PIP5K1C: variants seen among roughly 807,000 people sequenced by gnomAD.
The protein encoded by PIP5K1C is phosphatidylinositol-4-phosphate 5-kinase type 1 gamma, also known as phosphatidylinositol 4-phosphate 5-kinase type-1 gamma.
PIP5K1C carries 45 observed loss-of-function variants against 80.1 expected under a neutral mutation model. The observed-to-expected ratio is 0.56, with a 90% CI of 0.44 to 0.72. The LOEUF (loss-of-function observed/expected upper bound fraction) is 0.72, where lower values mean the gene tolerates loss of function less well. PIP5K1C is among the 30% of genes least tolerant of loss of function. The pLI, the probability that PIP5K1C is intolerant of heterozygous loss-of-function variation, is 0.00. For missense variants in PIP5K1C, 753 were observed against 954.6 expected, an observed-to-expected ratio of 0.79 and a Z score of 2.78; for synonymous variants, 498 against 420.1, an observed-to-expected ratio of 1.19 and a Z score of -2.27.
intron 1 of PIP5K1C, among the ~76,000 whole-genome samples, chr19:3,687,856 C>T (rs1336188265): frequency 1.3e-5 from 2 of 152,164 alleles, no homozygotes; most frequent in African/African-American, 4.8e-5. Context: ...GGAGCCAGGC[C>T]GGTAAACAGG....
chr19:3,630,897 G>A lies in PIP5K1C; in HGVS notation c.*2270C>T, dbSNP rs185865770. ...CCTCGCGGGGGATCTGAGGGAGACC[G>A]AGTTCGCTAAATATTATAAATAGGT... On this transcript the variant is annotated 3_prime_UTR_variant, in exon 18 of 18. Transcript: ENST00000335312. 4 of 152,274 alleles carry A rather than the reference G, an allele frequency of 2.6e-5. No homozygotes were observed. The highest frequency in any genetic ancestry group is 4.2e-4 in the South Asian group (2 of 4,816). 9.4% of individuals were successfully genotyped at this position (152,274 alleles called of 1,614,324 possible).
chr19:3,643,181 A>C, intron 13 of PIP5K1C, 62 bp downstream of exon 13: 2 of 1,602,016 alleles, frequency 1.2e-6, no homozygotes, highest in African/African-American at 1.3e-5. Flanking sequence ...ACATGCAGTG[A>C]ATGCCCCGCC....
chr19:3,641,956 G>A, intron 14 of PIP5K1C, 147 bp from the exon 15 acceptor site: 1 of 707,278 alleles, frequency 1.4e-6, no homozygotes, highest in South Asian at 1.5e-5. Flanking sequence ...GTCACTCCCA[G>A]CCCGGGGACT....
intron 15 of PIP5K1C, among the ~76,000 whole-genome samples, chr19:3,640,638 T>C (rs2145391508): frequency 6.6e-6 from 1 of 151,964 alleles, no homozygotes; most frequent in East Asian, 1.9e-4. Context: ...CAAAAATCAA[T>C]AAAATTAATC....
rs372646155 is a variant in PIP5K1C, at chr19:3,642,891, G to C, written c.1682+16C>G. On this transcript the variant is annotated intron_variant, in intron 14 of 17. Transcript: ENST00000335312. Reference sequence around the variant, plus strand: ...GAGCTGGTGAGACCCAGGGAAGGAAGGGGGTTGGGTCTCACCTGCCATCCT... The same window carrying C: ...GAGCTGGTGAGACCCAGGGAAGGAACGGGGTTGGGTCTCACCTGCCATCCT... 3,823 of 1,610,296 alleles carry C rather than the reference G, an allele frequency of 2.4e-3. 8 individuals carry two copies. The highest frequency in any genetic ancestry group is 4.9e-3 in the South Asian group (446 of 90,998).
At chr19:3,638,307 A>G (rs2033793139) in intron 16 of PIP5K1C, among the ~76,000 whole-genome samples, 1 of 152,134 alleles carries the variant, frequency 6.6e-6, no homozygotes, top group South Asian at 2.1e-4. Context: ...AGGGCCGGGC[A>G]GACCCTGCCC....
chr19:3,663,165 C>T (rs775412658), intron 3 of PIP5K1C, among the ~76,000 whole-genome samples: 12 of 152,000 alleles, frequency 7.9e-5, no homozygotes, highest in Admixed American at 6.5e-5. Context: ...CGCGCCCGGC[C>T]GGCTGCTGTT....
Position 3,664,861 on chromosome 19 carries a change from A to G in PIP5K1C, c.180T>C (p.His60=), listed in dbSNP as rs774929767. ...PGPGHGKKLG[H]RGVDASGETT... is the part of the protein sequence containing the mutation. Reference sequence around the variant, plus strand: ...TTTCGCCGGATGCGTCCACACCTCGATGGCCCAACTTCTTCCCATGGCCAG... The same window carrying G: ...TTTCGCCGGATGCGTCCACACCTCGGTGGCCCAACTTCTTCCCATGGCCAG... Residue 60 remains histidine (H), a synonymous_variant, in exon 3 of 18, where the codon CAT becomes CAC. Coordinates refer to ENST00000335312, the MANE Select transcript of PIP5K1C (RefSeq NM_012398.3). 1.9e-6 allele frequency: 3 copies of G among 1,613,260 alleles called. No individual in the cohort carries two copies. The highest frequency in any genetic ancestry group is 3.3e-5 in the Admixed American group (2 of 60,024).
chr19:3,656,764 GA>G (rs1157762876), intron 5 of PIP5K1C, among the ~76,000 whole-genome samples: 1 of 152,214 alleles, frequency 6.6e-6, no homozygotes, highest in Non-Finnish European at 1.5e-5. Flanking sequence ...TCTGCAGCCC[GA>G]GGGCTGGTCT....
intron 1 of PIP5K1C, among the ~76,000 whole-genome samples, chr19:3,682,499 G>C (rs1411003429): frequency 6.6e-6 from 1 of 151,986 alleles, no homozygotes; most frequent in Middle Eastern, 3.4e-3. Context: ...GAGCAACATA[G>C]CAAGACATAG....
At chr19:3,667,196 A>G (rs2035040455) in intron 2 of PIP5K1C, 126 bp downstream of exon 2, 1 of 785,280 alleles carries the variant, frequency 1.3e-6, no homozygotes. Context: ...GCTTGTGGAC[A>G]CTGGACGGCA....
chr19:3,658,390 C>T (rs1355620129), intron 5 of PIP5K1C, among the ~76,000 whole-genome samples: 1 of 152,232 alleles, frequency 6.6e-6, no homozygotes, highest in African/African-American at 2.4e-5. Context: ...CCACTGCTGT[C>T]GCCCAGCCCA....
intron 16 of PIP5K1C, 68 bp from the exon 17 acceptor site, chr19:3,633,588 AG>A: frequency 1.9e-6 from 2 of 1,075,970 alleles, no homozygotes; most frequent in Admixed American, 6.4e-5. Context: ...AGAGAGGCAG[AG>A]GGAGGAAGGA....
intron 2 of PIP5K1C, among the ~76,000 whole-genome samples, chr19:3,666,244 T>C (rs538601888): frequency 1.8e-4 from 27 of 152,292 alleles, no homozygotes; most frequent in African/African-American, 5.3e-4. Context: ...ATGGGGCTCA[T>C]GGACAGGTGC....
In PIP5K1C at chr19:3,632,880, C is replaced by T. The variant is rs900245242; in HGVS notation, c.*287G>A. ...TGTCTTTTTTGTTCTTTTCCTAAAACGGCACACACGTGCTTCCGTCTCTGT... is the reference window on the plus strand; with the variant it reads ...TGTCTTTTTTGTTCTTTTCCTAAAATGGCACACACGTGCTTCCGTCTCTGT... On this transcript the variant is annotated 3_prime_UTR_variant, in exon 18 of 18. Transcript: ENST00000335312. 31 of 474,152 alleles carry T rather than the reference C, an allele frequency of 6.5e-5. No individual in the cohort carries two copies. The Admixed American group carries it at 9.0e-4, about 14-fold the overall frequency. The allele number at this position is 474,152 out of a possible 1,614,324, so 29.4% of individuals were successfully genotyped here.
chr19:3,649,929 C>T (rs895060674), intron 8 of PIP5K1C: 13 of 264,244 alleles, frequency 4.9e-5, no homozygotes, highest in Non-Finnish European at 8.2e-5. Flanking sequence ...CCTGAAGCCA[C>T]TGGGACCCAG....
At chr19:3,667,389 C>T (rs1406209831) in intron 1 of PIP5K1C, 36 bp from the exon 2 acceptor site, 3 of 1,612,592 alleles carry the variant, frequency 1.9e-6, no homozygotes. Flanking sequence ...AGACAGGAAA[C>T]CGGTGACCTC....
intron 1 of PIP5K1C, among the ~76,000 whole-genome samples, chr19:3,699,161 G>A (rs1489544636): frequency 1.3e-5 from 2 of 152,014 alleles, no homozygotes; most frequent in Non-Finnish European, 2.9e-5. Flanking sequence ...CCGGGCTGGG[G>A]CCTGGTGCCC....
intron 1 of PIP5K1C, among the ~76,000 whole-genome samples, chr19:3,695,253 CTTTCA>C (rs2036066276): frequency 6.6e-6 from 1 of 152,216 alleles, no homozygotes; most frequent in Non-Finnish European, 1.5e-5. Flanking sequence ...GGAACTCACA[CTTTCA>C]CGAGCCGACT....
Sources: allele counts gnomAD v4.1 joint callset (sites outside exome capture counted in the v4.1 genomes callset), GRCh38; gene constraint gnomAD v4.1.1; transcripts MANE v1.5; gene names NCBI Gene and HGNC (gene_info 2026-07-23, HGNC 2026-07-21).